MYO16: variants seen among roughly 807,000 people sequenced by gnomAD.
MYO16 encodes unconventional myosin-XVI.
Under a neutral mutation model 205.3 loss-of-function variants are expected in MYO16, and 94 were observed. The observed-to-expected ratio is 0.46, with a 90% CI of 0.39 to 0.54. The LOEUF is 0.54. Ranked by LOEUF, MYO16 falls within the 20% of genes least tolerant of loss-of-function variation. The pLI, the probability that MYO16 is intolerant of heterozygous loss-of-function variation, is 0.00. For missense variants in MYO16, 2,315 were observed against 2,387.5 expected, an observed-to-expected ratio of 0.97 and a Z score of 0.63; for synonymous variants, 988 against 954.0, an observed-to-expected ratio of 1.04 and a Z score of -0.66.
intron 16 of MYO16, among the ~76,000 whole-genome samples, chr13:108,924,999 T>C (rs568616655): frequency 6.6e-6 from 1 of 152,294 alleles, no homozygotes; most frequent in Non-Finnish European, 1.5e-5. Context: ...TTTCTGGGAA[T>C]AGAAGGTGGG....
In MYO16 at chr13:108,844,335, TCC is replaced by T. The variant is rs1244666768; in HGVS notation, c.1098-7_1098-6del. 1 of 1,601,772 alleles carries T rather than the reference TCC, an allele frequency of 6.2e-7. No homozygotes were observed. The highest frequency in any genetic ancestry group is 8.5e-7 in the Non-Finnish European group (1 of 1,172,918). On this transcript the variant is annotated splice_region_variant and splice_polypyrimidine_tract_variant and intron_variant, in intron 9 of 34. Coordinates refer to ENST00000457511, the MANE Select transcript of MYO16 (RefSeq NM_001198950.3). ...GACTAATTGTAGTATTGATTTTTTT[TCC>T]TGTAGCAGTCCCCTGGTGTTACCAA... is the stretch of plus-strand genomic sequence containing the variant.
At position 108,985,855 on chromosome 13, in the gene MYO16, TTTTG is replaced by T. The variant is rs533237863; in HGVS notation, c.2370-6509_2370-6506del. On this transcript the variant is annotated intron_variant, in intron 20 of 34. Transcript: ENST00000457511. ...TAGTTGTGATCCAAGTGAGCATACA[TTTTG>T]TTTGTTTGTTTTCTACTGTTTTATT... 4.6e-5 allele frequency among the ~76,000 whole-genome samples: 7 copies of T among 152,318 alleles called. No homozygotes were observed. In the East Asian group the frequency reaches 5.8e-4, roughly 13 times the overall value.
intron 22 of MYO16, among the ~76,000 whole-genome samples, chr13:109,012,464 C>T (rs2139490737): frequency 6.6e-6 from 1 of 152,204 alleles, no homozygotes; most frequent in Middle Eastern, 3.4e-3. Flanking sequence ...GAATCGAATG[C>T]CTGATTCTAC....
chr13:108,991,824 C>A (rs1884842861), intron 20 of MYO16, among the ~76,000 whole-genome samples: 1 of 152,224 alleles, frequency 6.6e-6, no homozygotes, highest in South Asian at 2.1e-4. Context: ...AAGGAGATAG[C>A]CACGAGAACT....
At chr13:109,062,694 C>T (rs1201468846) in intron 27 of MYO16, among the ~76,000 whole-genome samples, 2 of 152,046 alleles carry the variant, frequency 1.3e-5, no homozygotes, top group Non-Finnish European at 2.9e-5. Flanking sequence ...ATTTAAGTAA[C>T]ATACAATCAA....
intron 16 of MYO16, among the ~76,000 whole-genome samples, chr13:108,918,855 C>T (rs905240029): frequency 2.6e-5 from 4 of 151,512 alleles, no homozygotes; most frequent in African/African-American, 4.9e-5. Context: ...AAGAGAATCG[C>T]GGGAACCTGG....
intron 7 of MYO16, among the ~76,000 whole-genome samples, chr13:108,814,633 A>G (rs1482413682): frequency 6.6e-6 from 1 of 152,202 alleles, no homozygotes; most frequent in African/African-American, 2.4e-5. Context: ...AATAACTTCT[A>G]AGTATAAGCA....
the MYO16 span, among the ~76,000 whole-genome samples, chr13:108,560,481 T>G: frequency 6.6e-6 from 1 of 152,234 alleles, no homozygotes; most frequent in East Asian, 1.9e-4. Context: ...GCTTTGGATA[T>G]TCCAGTAAAA....
intron 11 of MYO16, among the ~76,000 whole-genome samples, chr13:108,859,744 T>C (rs1878364570): frequency 6.6e-6 from 1 of 152,130 alleles, no homozygotes; most frequent in Admixed American, 6.6e-5. Flanking sequence ...AATTCCTTTA[T>C]GGACAGCAAA....
chr13:108,542,851 A>G, the MYO16 span, among the ~76,000 whole-genome samples: 1 of 151,684 alleles, frequency 6.6e-6, no homozygotes, highest in South Asian at 2.1e-4. Context: ...TTTTAAATAA[A>G]CCATGTTCAT....
At chr13:109,155,860 G>T (rs1345725066) in intron 32 of MYO16, among the ~76,000 whole-genome samples, 5 of 152,192 alleles carry the variant, frequency 3.3e-5, no homozygotes, top group Non-Finnish European at 7.3e-5. Flanking sequence ...TTGAGTTTCA[G>T]ATTAGCCTCT....
intron 16 of MYO16, among the ~76,000 whole-genome samples, chr13:108,949,474 A>G (rs1188946811): frequency 6.6e-6 from 1 of 152,206 alleles, no homozygotes; most frequent in Non-Finnish European, 1.5e-5. Flanking sequence ...ATACTTAAGT[A>G]TACACTTAAC....
chr13:108,936,696 C>G (rs1594409313), intron 16 of MYO16, among the ~76,000 whole-genome samples: 1 of 152,214 alleles, frequency 6.6e-6, no homozygotes, highest in African/African-American at 2.4e-5. Context: ...TTCTCCCACC[C>G]TTTACTTTGA....
intron 4 of MYO16, among the ~76,000 whole-genome samples, chr13:108,737,312 A>G (rs1884738675): frequency 6.6e-6 from 1 of 152,188 alleles, no homozygotes; most frequent in Admixed American, 6.5e-5. Context: ...GCTACATCCC[A>G]TCAATACCTA....
chr13:108,916,571 A>G (rs1004796153), intron 16 of MYO16, among the ~76,000 whole-genome samples: 1 of 152,226 alleles, frequency 6.6e-6, no homozygotes, highest in South Asian at 2.1e-4. Flanking sequence ...TCTAATGACT[A>G]TAAAAACAAA....
chr13:108,902,922 A>G (rs1290283194), intron 15 of MYO16, among the ~76,000 whole-genome samples: 2 of 152,168 alleles, frequency 1.3e-5, no homozygotes, highest in African/African-American at 2.4e-5. Flanking sequence ...TAAGTTTTCA[A>G]TTGCATGTTA....
intron 2 of MYO16, among the ~76,000 whole-genome samples, chr13:108,691,015 T>C (rs1225851392): frequency 6.6e-6 from 1 of 152,190 alleles, no homozygotes; most frequent in Non-Finnish European, 1.5e-5. Context: ...ATGATTCTTA[T>C]GGTAGATGTA....
intron 22 of MYO16, among the ~76,000 whole-genome samples, chr13:109,010,755 C>A (rs1277002781): frequency 4.6e-5 from 7 of 151,850 alleles, no homozygotes; most frequent in African/African-American, 1.7e-4. Flanking sequence ...ACCTGATGCT[C>A]ACAGATCAAT....
At position 108,910,108 on chromosome 13, in the gene MYO16, A is replaced by G. The variant is rs1213158090; in HGVS notation, c.1883A>G (p.Glu628Gly). Residue 628 changes from glutamate to glycine, a missense_variant, in exon 16 of 35, where the codon GAA (glutamate) becomes GGA (glycine). Physicochemically the swap from Glu to Gly is moderately conservative, Grantham distance 98 (BLOSUM62 -2). Coordinates refer to ENST00000457511, the MANE Select transcript of MYO16 (RefSeq NM_001198950.3). ...TTGTTGATGGATGGGTTATCTGCTG[A>G]AGAAAAATATGGACTTCATCTTAAT... ...FYLLMDGLSA[E>G]EKYGLHLNNL... is the part of the protein sequence containing the mutation. 1 of 1,613,478 alleles carries G rather than the reference A, an allele frequency of 6.2e-7. No individual in the cohort carries two copies. Among genetic ancestry groups the G allele is most frequent in the Admixed American group, 1.7e-5 (1 of 60,014 alleles).
Sources: allele counts gnomAD v4.1 joint callset (sites outside exome capture counted in the v4.1 genomes callset), GRCh38; gene constraint gnomAD v4.1.1; transcripts MANE v1.5; gene names NCBI Gene and HGNC (gene_info 2026-07-23, HGNC 2026-07-21).